CAMK2B: variants seen among roughly 807,000 people sequenced by gnomAD.
The protein encoded by CAMK2B is calcium/calmodulin dependent protein kinase II beta.
A neutral mutation model predicts 93.7 loss-of-function variants in CAMK2B; 27 were observed. The ratio of observed to expected loss-of-function variants is 0.29; its 90% CI spans 0.21 to 0.40. The LOEUF (loss-of-function observed/expected upper bound fraction) is 0.40, where lower values mean the gene tolerates loss of function less well. CAMK2B is among the 10% of genes least tolerant of loss of function. The probability of loss-of-function intolerance (pLI) is 1.00; values close to 1 mark genes in which losing one functional copy is unlikely to be tolerated. For synonymous variants in CAMK2B, 374 were observed against 358.8 expected (o/e 1.04, Z -0.48); for missense variants, 568 against 895.8 (o/e 0.63, Z 4.67).
At chr7:44,245,974 G>T (rs1228951506) in intron 6 of CAMK2B, among the ~76,000 whole-genome samples, 1 of 152,016 alleles carries the variant, frequency 6.6e-6, no homozygotes, top group Non-Finnish European at 1.5e-5. Context: ...TGGAAGGAAG[G>T]AAAGGGAGGA....
rs772437653 is a variant in CAMK2B at position 44,225,992 on chromosome 7, G to A, written c.1597+524C>T. The A allele has an allele frequency of 2.0e-5, 23 of 1,128,328 alleles. No individual in the cohort carries two copies. Among genetic ancestry groups the A allele is most frequent in the South Asian group, 4.4e-5 (3 of 68,816 alleles). 69.9% of individuals were successfully genotyped at this position (1,128,328 alleles called of 1,614,324 possible). ...CTGCCCAGCCTGTGCTTCCTGTCCC[G>A]CCCGCTCTGTTTCAGCCTGGCCCCA... is the stretch of plus-strand genomic sequence containing the variant. On this transcript the variant is annotated intron_variant, in intron 20 of 23. Transcript: ENST00000395749. This position sits in a 1 kb window ranked among gnomAD's most constrained non-coding sequence, Gnocchi z 5.0.
chr7:44,235,134 G>C (rs1315124380), intron 13 of CAMK2B, among the ~76,000 whole-genome samples: 1 of 152,226 alleles, frequency 6.6e-6, no homozygotes, highest in Non-Finnish European at 1.5e-5. Context: ...TGGGTGGGCT[G>C]CAGCTGGCCG....
rs528254629 is a variant in CAMK2B, at chr7:44,263,764, G to C, written c.161-700C>G. ...CAGGAGGCTTTTAAAAACTGATGGA[G>C]ATTGTAATAGCAAAACCCAAAACCC... On this transcript the variant is annotated intron_variant, in intron 2 of 23. Transcript: ENST00000395749. 1.1e-4 allele frequency among the ~76,000 whole-genome samples: 16 copies of C among 152,282 alleles called. No homozygotes were observed. The East Asian group carries it at 3.1e-3, about 29-fold the overall frequency.
chr7:44,228,675 A>T (rs940034343), intron 19 of CAMK2B, 121 bp downstream of exon 19: 1 of 957,878 alleles, frequency 1.0e-6, no homozygotes, highest in Non-Finnish European at 1.4e-6. Context: ...GCAGGACTCC[A>T]GGCTGCGGCG....
chr7:44,288,603 A>G (rs1174520922), intron 1 of CAMK2B, among the ~76,000 whole-genome samples: 7 of 152,230 alleles, frequency 4.6e-5, no homozygotes, highest in Non-Finnish European at 1.0e-4. Context: ...GGCACCAAGC[A>G]TATTATGGGG....
intron 2 of CAMK2B, among the ~76,000 whole-genome samples, chr7:44,274,493 C>A (rs529276316): frequency 2.6e-5 from 4 of 152,218 alleles, no homozygotes; most frequent in African/African-American, 9.6e-5. Flanking sequence ...GCCTCAAACC[C>A]GCACCTTTCG....
At chr7:44,259,901 C>T (rs1016697791) in intron 3 of CAMK2B, among the ~76,000 whole-genome samples, 3 of 152,196 alleles carry the variant, frequency 2.0e-5, no homozygotes, top group African/African-American at 7.2e-5. Flanking sequence ...ATTTAACCTT[C>T]CCAACCACCC....
chr7:44,302,996 T>C (rs942746162), intron 1 of CAMK2B, among the ~76,000 whole-genome samples: 3 of 152,162 alleles, frequency 2.0e-5, no homozygotes, highest in African/African-American at 7.2e-5. Context: ...TATGCCTATA[T>C]AGAAAACCCC....
chr7:44,220,315 G>C (rs199507584), intron 22 of CAMK2B, 21 bp from the exon 23 acceptor site: 1 of 1,583,622 alleles, frequency 6.3e-7, no homozygotes, highest in Admixed American at 1.7e-5. Flanking sequence ...CAGGCGGGGC[G>C]GGGGTCTCGG....
At chr7:44,309,479 G>C (rs1208516094) in intron 1 of CAMK2B, among the ~76,000 whole-genome samples, 1 of 152,174 alleles carries the variant, frequency 6.6e-6, no homozygotes, top group Non-Finnish European at 1.5e-5. Flanking sequence ...TGCACGTCCA[G>C]GGGCTGCCCT....
intron 12 of CAMK2B, 31 bp from the exon 13 acceptor site, chr7:44,239,694 G>T: frequency 6.7e-7 from 1 of 1,491,416 alleles, no homozygotes; most frequent in South Asian, 1.2e-5. Context: ...ACGAGGGGAA[G>T]GGAGGGGTGG....
chr7:44,312,261 G>A lies in CAMK2B; in HGVS notation c.65+13096C>T, dbSNP rs1245666480. Among the ~76,000 whole-genome samples the A allele has an allele frequency of 6.6e-6, 1 of 152,194 alleles. No individual in the cohort carries two copies. The highest frequency in any genetic ancestry group is 1.9e-4 in the East Asian group (1 of 5,206). On this transcript the variant is annotated intron_variant, in intron 1 of 23. Coordinates refer to ENST00000395749, the MANE Select transcript of CAMK2B (RefSeq NM_001220.5). The surrounding 1 kb of genome is among the most constrained non-coding windows in gnomAD (Gnocchi z 4.1). ...TATTCCAGCATCCTCAGCCCACACT[G>A]GGGGAAATAGTTCAGCCAGGTGTCA...
chr7:44,300,058 G>T (rs1005589591), intron 1 of CAMK2B, among the ~76,000 whole-genome samples: 1 of 149,398 alleles, frequency 6.7e-6, no homozygotes, highest in Non-Finnish European at 1.5e-5. Context: ...GTGTGTGTGT[G>T]TATGTAGTTG....
chr7:44,267,105 A>T (rs756910272), intron 2 of CAMK2B: 1 of 152,278 alleles, frequency 6.6e-6, no homozygotes, highest in Non-Finnish European at 1.5e-5. Flanking sequence ...AGAAGGCAGG[A>T]GCTGGGGAGT....
intron 20 of CAMK2B, 70 bp downstream of exon 20, chr7:44,226,446 C>T: frequency 1.6e-6 from 2 of 1,255,748 alleles, no homozygotes; most frequent in Non-Finnish European, 2.1e-6. Context: ...CCCAGAGCAC[C>T]ACTGCCAGGC....
chr7:44,261,129 C>T (rs191149766), intron 3 of CAMK2B, among the ~76,000 whole-genome samples: 2 of 152,366 alleles, frequency 1.3e-5, no homozygotes, highest in East Asian at 1.9e-4. Flanking sequence ...CTGGCCTCTG[C>T]GTCCCTAAGA....
At chr7:44,247,554 C>T (rs954611363) in intron 5 of CAMK2B, among the ~76,000 whole-genome samples, 1 of 151,992 alleles carries the variant, frequency 6.6e-6, no homozygotes, top group African/African-American at 2.4e-5. Context: ...CCCTGTAAGG[C>T]AGGCTGAGGT....
At chr7:44,287,569 C>A (rs1207294890) in intron 1 of CAMK2B, among the ~76,000 whole-genome samples, 1 of 152,068 alleles carries the variant, frequency 6.6e-6, no homozygotes, top group Admixed American at 6.5e-5. Context: ...TTAGCATGAG[C>A]CATGCAGGCC....
chr7:44,307,032 AG>A (rs1791935511), intron 1 of CAMK2B, among the ~76,000 whole-genome samples: 2 of 114,574 alleles, frequency 1.7e-5, no homozygotes, highest in Non-Finnish European at 3.5e-5. Context: ...GGGTGTGAGC[AG>A]GGAGAGGAGG....
Sources: allele counts gnomAD v4.1 joint callset (sites outside exome capture counted in the v4.1 genomes callset), GRCh38; gene constraint gnomAD v4.1.1; non-coding constraint Gnocchi (gnomAD v3.1); transcripts MANE v1.5; gene names NCBI Gene and HGNC (gene_info 2026-07-23, HGNC 2026-07-21).